The following MPZL1 variants were observed in gnomAD, a reference collection of about 807,000 sequenced individuals.
MPZL1 encodes myelin protein zero like 1, also known as myelin protein zero-like protein 1.
MPZL1 carries 16 observed loss-of-function variants against 29.3 expected under a neutral mutation model. The observed-to-expected ratio is 0.55, with a 90% CI of 0.37 to 0.83. The LOEUF (loss-of-function observed/expected upper bound fraction) is 0.83. Among genes scored for constraint, MPZL1 ranks in the 40% least tolerant of loss-of-function variants. MPZL1 has a pLI of 0.00. For synonymous variants in MPZL1, 143 were observed against 132.0 expected (o/e 1.08, Z -0.57); for missense variants, 279 against 332.9 (o/e 0.84, Z 1.26).
chr1:167,733,613 T>C (rs1660312751), intron 1 of MPZL1, among the ~76,000 whole-genome samples: 1 of 152,042 alleles, frequency 6.6e-6, no homozygotes, highest in Admixed American at 6.6e-5. Flanking sequence ...GGCGTGATGA[T>C]GCGTGCCTGT....
rs186660095 is a variant in MPZL1, at chr1:167,791,510, G to A, written c.*3589G>A. The stretch of plus-strand genomic sequence containing the variant: ...GCATTTCTTTCTCTATTATTTCTGT[G>A]AGTTAACAGTAATTGTACTAATCTT... On this transcript the variant is annotated 3_prime_UTR_variant, in exon 6 of 6. Transcript: ENST00000359523. 6.0e-4 allele frequency: 92 copies of A among 152,356 alleles called. No homozygotes were observed. The highest frequency in any genetic ancestry group is 2.0e-3 in the African/African-American group (85 of 41,572). 9.4% of individuals were successfully genotyped at this position (152,356 alleles called of 1,614,324 possible).
chr1:167,731,173 G>A (rs924845210), intron 1 of MPZL1, among the ~76,000 whole-genome samples: 13 of 152,152 alleles, frequency 8.5e-5, no homozygotes, highest in African/African-American at 2.6e-4. Context: ...CGTGGCTCGC[G>A]CCTGTAATCC....
rs1386140303 is a variant in MPZL1, at chr1:167,791,748, C to T, written c.*3827C>T. 6.6e-6 allele frequency: 1 copy of T among 152,144 alleles called. No homozygotes were observed. Among genetic ancestry groups the T allele is most frequent in the Non-Finnish European group, 1.5e-5 (1 of 68,032 alleles). The allele number at this position is 152,144 out of a possible 1,614,324, so 9.4% of individuals were successfully genotyped here. ...TGCAGTTGCAGTTTTCTCCCAGTCC[C>T]TTAGGAGCTGGTTAGAGAGTCCCTT... On this transcript the variant is annotated 3_prime_UTR_variant, in exon 6 of 6. Coordinates refer to ENST00000359523, the MANE Select transcript of MPZL1 (RefSeq NM_003953.6).
chr1:167,791,365 G>A lies in MPZL1; in HGVS notation c.*3444G>A, dbSNP rs781112567. 1 of 152,250 alleles carries A rather than the reference G, an allele frequency of 6.6e-6. No homozygotes were observed. Among genetic ancestry groups the A allele is most frequent in the Non-Finnish European group, 1.5e-5 (1 of 68,058 alleles). The allele number at this position is 152,250 out of a possible 1,614,324, so 9.4% of individuals were successfully genotyped here. ...AATCCTGTGCCAAGCACTGTGCTAA[G>A]CATAAGGAAACAAAACAAGACAAAG... On this transcript the variant is annotated 3_prime_UTR_variant, in exon 6 of 6. Coordinates refer to ENST00000359523, the MANE Select transcript of MPZL1 (RefSeq NM_003953.6).
intron 1 of MPZL1, among the ~76,000 whole-genome samples, chr1:167,759,267 AT>A (rs1476799480): frequency 1.3e-5 from 2 of 152,148 alleles, no homozygotes; most frequent in Middle Eastern, 3.2e-3. Flanking sequence ...TGGTCTTTAC[AT>A]TTGCATTTTT....
intron 1 of MPZL1, among the ~76,000 whole-genome samples, chr1:167,754,390 C>T (rs998501713): frequency 5.9e-5 from 9 of 152,206 alleles, no homozygotes; most frequent in African/African-American, 2.2e-4. Flanking sequence ...TAAAAAATAG[C>T]ACACACACTT....
intron 1 of MPZL1, among the ~76,000 whole-genome samples, chr1:167,745,284 AC>A (rs1331099151): frequency 6.6e-6 from 1 of 151,820 alleles, no homozygotes; most frequent in Non-Finnish European, 1.5e-5. Context: ...ATGATGTCAG[AC>A]TCTTTATTAC....
rs76113628 is a variant in MPZL1, at chr1:167,749,483, T to A, written c.92-16100T>A. On this transcript the variant is annotated intron_variant, in intron 1 of 5. Coordinates refer to ENST00000359523, the MANE Select transcript of MPZL1 (RefSeq NM_003953.6). ...GGAAAATCTTGAAATACATCAACAC[T>A]TTCCTAATCTGCAGAGGCATATTTG... Among the ~76,000 whole-genome samples the A allele has an allele frequency of 5.4e-3, 821 of 152,302 alleles. 6 individuals carry two copies. Among genetic ancestry groups the A allele is most frequent in the African/African-American group, 0.019 (787 of 41,554 alleles).
chr1:167,781,684 A>C (rs957781201), intron 5 of MPZL1, among the ~76,000 whole-genome samples: 1 of 152,184 alleles, frequency 6.6e-6, no homozygotes, highest in Non-Finnish European at 1.5e-5. Flanking sequence ...AGAGCAAATT[A>C]AACCCAACAT....
At chr1:167,768,329 T>C (rs1416957808) in intron 2 of MPZL1, among the ~76,000 whole-genome samples, 2 of 152,180 alleles carry the variant, frequency 1.3e-5, no homozygotes, top group African/African-American at 4.8e-5. Context: ...TTCCTACTTC[T>C]GAACACTTGT....
chr1:167,738,870 T>G (rs553089055), intron 1 of MPZL1, among the ~76,000 whole-genome samples: 4 of 152,120 alleles, frequency 2.6e-5, no homozygotes, highest in Non-Finnish European at 5.9e-5. Context: ...CAATTAAACC[T>G]CTTTTCTTAA....
At chr1:167,771,271 G>GTTGAC (rs1361616742) in intron 2 of MPZL1, among the ~76,000 whole-genome samples, 1 of 152,124 alleles carries the variant, frequency 6.6e-6, no homozygotes, top group Non-Finnish European at 1.5e-5. Flanking sequence ...TTCACCCTGA[G>GTTGAC]TTGACACAGC....
intron 1 of MPZL1, among the ~76,000 whole-genome samples, chr1:167,751,294 G>T (rs1339198034): frequency 1.3e-5 from 2 of 152,198 alleles, no homozygotes; most frequent in East Asian, 3.8e-4. Context: ...CAAAATGGTT[G>T]TGATGTTTAA....
At chr1:167,786,418 T>C (rs1465066964) in intron 5 of MPZL1, among the ~76,000 whole-genome samples, 1 of 152,186 alleles carries the variant, frequency 6.6e-6, no homozygotes, top group Non-Finnish European at 1.5e-5. Flanking sequence ...AAAACAAAAA[T>C]GTAGATATTA....
In MPZL1 at chr1:167,789,666, CTG is replaced by C. The variant is rs1371680745; in HGVS notation, c.*1750_*1751del. 6.6e-6 allele frequency: 1 copy of C among 152,200 alleles called. No individual in the cohort carries two copies. Among genetic ancestry groups the C allele is most frequent in the Non-Finnish European group, 1.5e-5 (1 of 68,040 alleles). The allele number at this position is 152,200 out of a possible 1,614,324, so 9.4% of individuals were successfully genotyped here. On this transcript the variant is annotated 3_prime_UTR_variant, in exon 6 of 6. Coordinates refer to ENST00000359523, the MANE Select transcript of MPZL1 (RefSeq NM_003953.6). ...TAACGCTCCACCTTACATGCCACATCTGTGTGAGTCAACAGGGATCAGGTTTG... is the reference window on the plus strand; with the variant it reads ...TAACGCTCCACCTTACATGCCACATCTGTGAGTCAACAGGGATCAGGTTTG...
intron 1 of MPZL1, among the ~76,000 whole-genome samples, chr1:167,740,808 G>T (rs1323280205): frequency 6.6e-6 from 1 of 152,126 alleles, no homozygotes; most frequent in Non-Finnish European, 1.5e-5. Context: ...TTCCAAAATG[G>T]CAGGTTGCTT....
intron 1 of MPZL1, among the ~76,000 whole-genome samples, chr1:167,724,637 A>T (rs1455242000): frequency 2.6e-5 from 4 of 152,198 alleles, no homozygotes; most frequent in African/African-American, 9.7e-5. Flanking sequence ...GCCTTTTCAC[A>T]GATGGGGAAA....
chr1:167,725,551 T>A (rs934570288), intron 1 of MPZL1, among the ~76,000 whole-genome samples: 1 of 152,174 alleles, frequency 6.6e-6, no homozygotes, highest in Non-Finnish European at 1.5e-5. Context: ...AGTAGCGTGA[T>A]CTCGGCTCAC....
intron 1 of MPZL1, among the ~76,000 whole-genome samples, chr1:167,763,973 C>T (rs971634078): frequency 6.6e-6 from 1 of 152,156 alleles, no homozygotes. Context: ...TGGGGGAGTA[C>T]TCTTGTTCTC....
Sources: gnomAD v4.1 joint callset for allele counts (sites outside exome capture counted in the v4.1 genomes callset) on GRCh38, gnomAD v4.1.1 for gene constraint, MANE v1.5 for transcripts, NCBI Gene and HGNC (gene_info 2026-07-23, HGNC 2026-07-21) for gene names.